Variants in DZIP3 observed in about 807,000 individuals in gnomAD.
DZIP3 encodes E3 ubiquitin-protein ligase DZIP3.
DZIP3 carries 118 observed loss-of-function variants against 162.0 expected under a neutral mutation model. That is an observed-to-expected ratio of 0.73 (90% CI 0.63 to 0.85). DZIP3 has a LOEUF of 0.85. Ranked by LOEUF, DZIP3 falls within the 40% of genes least tolerant of loss-of-function variation. The pLI, the probability that DZIP3 is intolerant of heterozygous loss-of-function variation, is 0.00. For synonymous variants in DZIP3, 438 were observed against 458.6 expected (o/e 0.96, Z 0.57); for missense variants, 1,331 against 1,407.0 (o/e 0.95, Z 0.86).
chr3:108,685,972 T>C (rs1390416084), intron 27 of DZIP3, among the ~76,000 whole-genome samples: 1 of 152,174 alleles, frequency 6.6e-6, no homozygotes, highest in Non-Finnish European at 1.5e-5. Flanking sequence ...CATGCATATC[T>C]CTTATGCCCA....
chr3:108,667,870 C>CCTAG (rs1275486259), intron 21 of DZIP3, among the ~76,000 whole-genome samples: 99 of 152,008 alleles, frequency 6.5e-4, no homozygotes, highest in African/African-American at 2.2e-3. Context: ...TAGTACTGAA[C>CCTAG]CTAGGCATTG....
chr3:108,616,726 A>C, intron 5 of DZIP3, 69 bp downstream of exon 5: 1 of 1,085,116 alleles, frequency 9.2e-7, no homozygotes, highest in Non-Finnish European at 1.4e-6. Context: ...GAAAACAGCC[A>C]ATGCATGCTT....
intron 15 of DZIP3, among the ~76,000 whole-genome samples, 193 bp from the exon 16 acceptor site, chr3:108,647,750 C>G (rs2107654883): frequency 6.6e-6 from 1 of 152,140 alleles, no homozygotes; most frequent in Admixed American, 6.6e-5. Flanking sequence ...CTGATTAGTT[C>G]CAGGCTGGTG....
At chr3:108,646,291 G>A (rs1012146034) in intron 14 of DZIP3, among the ~76,000 whole-genome samples, 1 of 152,170 alleles carries the variant, frequency 6.6e-6, no homozygotes, top group African/African-American at 2.4e-5. Context: ...GTGGAGGTTT[G>A]CTGTGTAATT....
At chr3:108,615,111 G>A (rs1422208504) in intron 4 of DZIP3, among the ~76,000 whole-genome samples, 2 of 152,164 alleles carry the variant, frequency 1.3e-5, no homozygotes, top group African/African-American at 2.4e-5. Context: ...TGCCACAACT[G>A]AATATGGCAA....
intron 1 of DZIP3, among the ~76,000 whole-genome samples, chr3:108,591,641 G>T (rs761702830): frequency 2.0e-5 from 3 of 152,182 alleles, no homozygotes; most frequent in Non-Finnish European, 4.4e-5. Flanking sequence ...TTTAATCAGA[G>T]ATACTTGCAT....
chr3:108,627,140 T>A (rs1941624420), intron 7 of DZIP3, among the ~76,000 whole-genome samples: 1 of 152,226 alleles, frequency 6.6e-6, no homozygotes, highest in African/African-American at 2.4e-5. Flanking sequence ...CCAAATCCCT[T>A]CAGTCTATAC....
rs1202772916 is a variant in DZIP3, at chr3:108,616,423, C to T, written c.259-118C>T. The T allele has an allele frequency of 4.5e-5, 27 of 604,844 alleles. No individual in the cohort carries two copies. In the East Asian group the frequency reaches 5.3e-4, roughly 12 times the overall value. The allele number at this position is 604,844 out of a possible 1,614,324, so 37.5% of individuals were successfully genotyped here. A position where few individuals can be genotyped will look rare whatever the true frequency, so the allele number is the denominator to read the frequency against. On this transcript the variant is annotated intron_variant, in intron 4 of 32. Transcript: ENST00000361582. ...TGGTATGGATTTTTTTTTTTTAAAC[C>T]GTCTTTATCTCTATTTTTAAAATTT...
At position 108,631,055 on chromosome 3, in the gene DZIP3, A is replaced by ACACACACACACACACACACATACACT; in HGVS notation, c.696+1880_696+1881insACACACACACACACACACATACACTC. Among the ~76,000 whole-genome samples the ACACACACACACACACACACATACACT allele has an allele frequency of 5.6e-3, 101 of 18,020 alleles. 6 individuals carry two copies. Among genetic ancestry groups the ACACACACACACACACACACATACACT allele is most frequent in the Non-Finnish European group, 7.7e-3 (86 of 11,166 alleles). 11.8% of individuals were successfully genotyped at this position (18,020 alleles called of 152,430 possible). A position where few individuals can be genotyped will look rare whatever the true frequency, so the allele number is the denominator to read the frequency against. On this transcript the variant is annotated intron_variant, in intron 8 of 32. Coordinates refer to ENST00000361582, the MANE Select transcript of DZIP3 (RefSeq NM_014648.4). ...CACACACACACACACACACACACAC[A>ACACACACACACACACACACATACACT]CTCTCTCTCTCTCTCTCTCTCTCTC...
chr3:108,598,875 T>C (rs1372520148), intron 1 of DZIP3, among the ~76,000 whole-genome samples: 1 of 152,234 alleles, frequency 6.6e-6, no homozygotes, highest in Non-Finnish European at 1.5e-5. Context: ...TATCTGTAAA[T>C]GTTTGAAACT....
chr3:108,600,158 C>A (rs911604524), intron 1 of DZIP3, among the ~76,000 whole-genome samples: 6 of 152,096 alleles, frequency 3.9e-5, no homozygotes, highest in Admixed American at 1.3e-4. Context: ...TTTTGGAATT[C>A]TTTTGGTAAA....
intron 7 of DZIP3, among the ~76,000 whole-genome samples, chr3:108,626,177 T>TCTAGC (rs2107571286): frequency 6.6e-6 from 1 of 152,322 alleles, no homozygotes; most frequent in Non-Finnish European, 1.5e-5. Context: ...TAAGAAGCAG[T>TCTAGC]CTAGCATTAA....
chr3:108,644,270 G>A lies in DZIP3; in HGVS notation c.1248G>A (p.Met416Ile). Reference protein sequence around the residue: ...DIVRQIFDEAMPPPLLKKELL... With the variant: ...DIVRQIFDEAIPPPLLKKELL... ...TTCGACAAATATTTGATGAGGCTAT[G>A]CCACCTCCTCTTTTGAAAAAAGAGC... Residue 416 changes from methionine (M) to isoleucine (I), a missense_variant, in exon 14 of 33, where the codon ATG becomes ATA. This residue lies in a region of DZIP3 where 1,278 missense variants were observed against 1,317.1 expected (regional missense o/e 0.97). Transcript: ENST00000361582. 1.2e-6 allele frequency: 2 copies of A among 1,613,906 alleles called. No homozygotes were observed. Among genetic ancestry groups the A allele is most frequent in the Non-Finnish European group, 1.7e-6 (2 of 1,179,912 alleles).
Position 108,690,742 on chromosome 3 carries a change from C to A in DZIP3, c.3517-45C>A, listed in dbSNP as rs764669926. On this transcript the variant is annotated intron_variant, in intron 31 of 32. Transcript: ENST00000361582. ...ATGCATAGAGTGACAACTGCCTCTG[C>A]TAGGCTACATCTGAGAGACTGACAT... 2.6e-6 allele frequency: 4 copies of A among 1,566,970 alleles called. No individual in the cohort carries two copies. The South Asian group carries it at 4.5e-5, about 18-fold the overall frequency.
chr3:108,592,203 A>G (rs1489362829), intron 1 of DZIP3, among the ~76,000 whole-genome samples: 5 of 152,096 alleles, frequency 3.3e-5, no homozygotes, highest in African/African-American at 1.2e-4. Context: ...GGAACCTTCT[A>G]AAGGATAACC....
At chr3:108,616,009 A>C (rs1940982994) in intron 4 of DZIP3, among the ~76,000 whole-genome samples, 1 of 152,124 alleles carries the variant, frequency 6.6e-6, no homozygotes, top group African/African-American at 2.4e-5. Flanking sequence ...TCACGCCTGT[A>C]ATCCCAGCAC....
At chr3:108,637,606 T>C in intron 12 of DZIP3, 58 bp downstream of exon 12, 1 of 1,454,460 alleles carries the variant, frequency 6.9e-7, no homozygotes, top group South Asian at 1.2e-5. Context: ...TATTTTTTGG[T>C]TGCTTAATTC....
intron 4 of DZIP3, among the ~76,000 whole-genome samples, chr3:108,615,810 A>G (rs1576362229): frequency 6.6e-6 from 1 of 152,210 alleles, no homozygotes; most frequent in East Asian, 1.9e-4. Flanking sequence ...TTGTATTGGT[A>G]TTAATGCCAG....
At chr3:108,632,155 T>G (rs2924705) in intron 8 of DZIP3, among the ~76,000 whole-genome samples, 23,125 of 152,238 alleles carry the variant, frequency 0.15, 2,169 homozygotes, top group Non-Finnish European at 0.22. Flanking sequence ...ATGAAGGACC[T>G]TATCTAATCA....
Sources: gnomAD v4.1 joint callset for allele counts (sites outside exome capture counted in the v4.1 genomes callset) on GRCh38, gnomAD v4.1.1 for gene constraint, gnomAD v4.1.1 regional missense constraint, MANE v1.5 for transcripts, NCBI Gene and HGNC (gene_info 2026-07-23, HGNC 2026-07-21) for gene names.